The following PDE2A variants were observed in gnomAD, a reference collection of about 807,000 sequenced individuals.
PDE2A encodes the protein cGMP-dependent 3',5'-cyclic phosphodiesterase.
In PDE2A, 53 loss-of-function variants were observed where a neutral mutation model predicts 133.6. That is an observed-to-expected ratio of 0.40 (90% CI 0.32 to 0.50). The LOEUF is 0.50. Among genes scored for constraint, PDE2A ranks in the 20% least tolerant of loss-of-function variants. The probability of loss-of-function intolerance (pLI) is 0.73; values close to 1 mark genes in which losing one functional copy is unlikely to be tolerated. For missense variants in PDE2A, 796 were observed against 1,232.4 expected (o/e 0.65, Z 5.30); for synonymous variants, 491 against 490.2 (o/e 1.00, Z -0.02).
chr11:72,616,482 G>A lies in PDE2A; in HGVS notation c.145-7731C>T, dbSNP rs1433017400. ...CAGCCCCTCATAGGTGTTGGTAGGC[G>A]TTTGCTGAGCTGTAAATGACTGGGT... On this transcript the variant is annotated intron_variant, in intron 2 of 30. Coordinates refer to ENST00000334456, the MANE Select transcript of PDE2A (RefSeq NM_002599.5). Among the ~76,000 whole-genome samples, 7 of 152,246 alleles carry A rather than the reference G, an allele frequency of 4.6e-5. No individual in the cohort carries two copies. In the South Asian group the frequency reaches 8.3e-4, roughly 18 times the overall value.
At chr11:72,667,184 C>T (rs547577134) in intron 1 of PDE2A, among the ~76,000 whole-genome samples, 1 of 152,284 alleles carries the variant, frequency 6.6e-6, no homozygotes, top group East Asian at 1.9e-4. Flanking sequence ...CACTGACCCA[C>T]ACATTCTCAC....
chr11:72,577,522 G>T lies in PDE2A; in HGVS notation c.2688C>A (p.Thr896=), dbSNP rs753761591. ...GGATGGTGAACTTGTGGGACACCTT[G>T]GTCCAGTGCTCACGGTTGGAGGCCA... ...ERVASNREHW[T]KVSHKFTIRG... Residue 896 remains threonine (T), a synonymous_variant, in exon 31 of 31, where the codon ACC becomes ACA. Transcript: ENST00000334456. 1.2e-5 allele frequency: 19 copies of T among 1,612,620 alleles called. No individual in the cohort carries two copies. The highest frequency in any genetic ancestry group is 5.0e-5 in the Admixed American group (3 of 60,002).
At chr11:72,604,578 A>G (rs1856893181) in intron 4 of PDE2A, among the ~76,000 whole-genome samples, 1 of 152,188 alleles carries the variant, frequency 6.6e-6, no homozygotes, top group Non-Finnish European at 1.5e-5. Flanking sequence ...CATTATTATC[A>G]CCATTTCATA....
chr11:72,649,891 C>G (rs55765314), intron 1 of PDE2A, among the ~76,000 whole-genome samples: 1 of 151,940 alleles, frequency 6.6e-6, no homozygotes, highest in African/African-American at 2.4e-5. Context: ...GCTCTAACAA[C>G]CTTTCCAGCT....
intron 1 of PDE2A, among the ~76,000 whole-genome samples, chr11:72,670,451 T>G (rs1180599533): frequency 6.6e-6 from 1 of 152,090 alleles, no homozygotes; most frequent in Non-Finnish European, 1.5e-5. Flanking sequence ...TGCCTCTGCC[T>G]CCAATTCCCC....
intron 4 of PDE2A, among the ~76,000 whole-genome samples, chr11:72,602,854 C>T (rs1856817740): frequency 6.6e-6 from 1 of 152,242 alleles, no homozygotes; most frequent in Admixed American, 6.5e-5. Flanking sequence ...CGTCCATACA[C>T]CTGGGTCTCA....
intron 2 of PDE2A, among the ~76,000 whole-genome samples, chr11:72,618,022 G>T (rs573549815): frequency 6.6e-6 from 1 of 152,250 alleles, no homozygotes; most frequent in Admixed American, 6.5e-5. Flanking sequence ...CTCTCCCAGC[G>T]CAGTGCTTTG....
chr11:72,642,417 C>G (rs775846009), intron 1 of PDE2A, 91 bp from the exon 2 acceptor site: 397 of 1,259,892 alleles, frequency 3.2e-4, no homozygotes, highest in Non-Finnish European at 3.7e-4. Flanking sequence ...GGCCGCTGCG[C>G]TCGGTCAGCG....
At chr11:72,606,342 C>T (rs1048720203) in intron 3 of PDE2A, among the ~76,000 whole-genome samples, 4 of 152,142 alleles carry the variant, frequency 2.6e-5, no homozygotes, top group African/African-American at 7.2e-5. Flanking sequence ...AGTGGAGCTA[C>T]GTGTTGAAGG....
intron 2 of PDE2A, among the ~76,000 whole-genome samples, chr11:72,610,009 C>T (rs1000633232): frequency 6.6e-6 from 1 of 152,002 alleles, no homozygotes; most frequent in Non-Finnish European, 1.5e-5. Flanking sequence ...CTAGTTAGAC[C>T]ATCCCCTGTT....
intron 2 of PDE2A, among the ~76,000 whole-genome samples, chr11:72,629,141 C>T (rs1418701550): frequency 6.6e-6 from 1 of 152,248 alleles, no homozygotes; most frequent in Non-Finnish European, 1.5e-5. Context: ...CAGGACCCAG[C>T]TCAAGGAAAG....
At chr11:72,608,864 C>T in intron 2 of PDE2A, 113 bp from the exon 3 acceptor site, 1 of 651,656 alleles carries the variant, frequency 1.5e-6, no homozygotes. Context: ...CCGAGTCTTT[C>T]AGGCACAGGA....
intron 4 of PDE2A, among the ~76,000 whole-genome samples, chr11:72,603,425 T>C (rs11826028): frequency 0.074 from 11,294 of 152,214 alleles, 1,091 homozygotes; most frequent in African/African-American, 0.23. Context: ...CCACTCTACA[T>C]GCCCAGACAG....
At chr11:72,595,492 G>A (rs1856438555) in intron 6 of PDE2A, among the ~76,000 whole-genome samples, 1 of 152,068 alleles carries the variant, frequency 6.6e-6, no homozygotes, top group Non-Finnish European at 1.5e-5. Context: ...GGGTGCAGAG[G>A]AGACCCAGCC....
intron 2 of PDE2A, among the ~76,000 whole-genome samples, chr11:72,625,249 G>A (rs917103095): frequency 6.6e-6 from 1 of 152,194 alleles, no homozygotes; most frequent in African/African-American, 2.4e-5. Context: ...CCACCAACCT[G>A]GATCCCCCAT....
chr11:72,623,978 C>A (rs1160475117), intron 2 of PDE2A, among the ~76,000 whole-genome samples: 2 of 148,836 alleles, frequency 1.3e-5, no homozygotes, highest in African/African-American at 5.0e-5. Flanking sequence ...ACATATTCTG[C>A]AACCTGAGCA....
chr11:72,646,967 C>T (rs1483041293), intron 1 of PDE2A, among the ~76,000 whole-genome samples: 1 of 152,170 alleles, frequency 6.6e-6, no homozygotes, highest in Non-Finnish European at 1.5e-5. Context: ...CGAGAAGTAG[C>T]CCCCACCATC....
At chr11:72,583,642 C>G in intron 19 of PDE2A, 127 bp from the exon 20 acceptor site, 1 of 697,422 alleles carries the variant, frequency 1.4e-6, no homozygotes, top group Non-Finnish European at 2.6e-6. Flanking sequence ...CAGTCAAAAC[C>G]TTCAAGCTCC....
At chr11:72,596,470 T>TCA (rs1275927139) in intron 6 of PDE2A, 123 bp downstream of exon 6, 11 of 205,710 alleles carry the variant, frequency 5.3e-5, no homozygotes, top group African/African-American at 2.8e-4. Flanking sequence ...TCTCTCTCTC[T>TCA]CTCTCTCTCT....
Sources: allele counts gnomAD v4.1 joint callset (sites outside exome capture counted in the v4.1 genomes callset), GRCh38; gene constraint gnomAD v4.1.1; transcripts MANE v1.5; gene names NCBI Gene and HGNC (gene_info 2026-07-23, HGNC 2026-07-21).